Variants in LRRC9 observed in about 807,000 individuals in gnomAD.
LRRC9 encodes leucine rich repeat containing 9.
In LRRC9, 122 loss-of-function variants were observed where a neutral mutation model predicts 63.2. The observed-to-expected ratio is 1.93, with a 90% CI of 1.67 to 2.24. The LOEUF (loss-of-function observed/expected upper bound fraction) is 2.24, where lower values mean the gene tolerates loss of function less well. Ranked by LOEUF, LRRC9 falls within the 30% of genes most tolerant of loss-of-function variation. The probability of loss-of-function intolerance (pLI) is 0.00; values close to 1 mark genes in which losing one functional copy is unlikely to be tolerated. For synonymous variants in LRRC9, 366 were observed against 213.1 expected (o/e 1.72, Z -6.25); for missense variants, 1,071 against 627.7 (o/e 1.71, Z -7.55).
chr14:60,064,048 T>C (rs1344949836), downstream of LRRC9, among the ~76,000 whole-genome samples: 2 of 152,188 alleles, frequency 1.3e-5, no homozygotes, highest in Non-Finnish European at 2.9e-5. Context: ...AAGCGTCCGA[T>C]TTCAAATACA....
intron 8 of LRRC9, among the ~76,000 whole-genome samples, chr14:59,956,685 G>A (rs535049231): frequency 6.6e-6 from 1 of 152,284 alleles, no homozygotes; most frequent in Admixed American, 6.5e-5. Context: ...TCATCATGAT[G>A]CTAGCTGGTT....
At chr14:59,957,049 G>T (rs1883835173) in intron 8 of LRRC9, among the ~76,000 whole-genome samples, 1 of 152,060 alleles carries the variant, frequency 6.6e-6, no homozygotes, top group Non-Finnish European at 1.5e-5. Flanking sequence ...TTTCTCTCTG[G>T]CTGCCCTTAA....
intron 8 of LRRC9, among the ~76,000 whole-genome samples, chr14:59,949,300 G>A (rs1446909604): frequency 6.6e-6 from 1 of 152,180 alleles, no homozygotes; most frequent in African/African-American, 2.4e-5. Flanking sequence ...TTGCGTAGAG[G>A]TGTTTGTAGT....
chr14:59,980,877 G>C (rs903590430), intron 15 of LRRC9, among the ~76,000 whole-genome samples: 18 of 152,164 alleles, frequency 1.2e-4, no homozygotes, highest in African/African-American at 3.6e-4. Context: ...ATTCAATGAT[G>C]TCAGCAAAGA....
At chr14:59,981,809 C>T (rs1325945418) in intron 15 of LRRC9, 39 bp from the exon 16 acceptor site, 2 of 663,108 alleles carry the variant, frequency 3.0e-6, no homozygotes, top group African/African-American at 1.8e-5. Flanking sequence ...ATGATAAATA[C>T]AGCAACTGAT....
At chr14:60,052,782 T>A (rs1893988440) in intron 29 of LRRC9, among the ~76,000 whole-genome samples, 1 of 152,218 alleles carries the variant, frequency 6.6e-6, no homozygotes, top group South Asian at 2.1e-4. Context: ...TGAACTTCCA[T>A]AATATAATCC....
intron 19 of LRRC9, 75 bp from the exon 20 acceptor site, chr14:60,001,891 A>G (rs2140209173): frequency 2.3e-6 from 1 of 439,772 alleles, no homozygotes; most frequent in South Asian, 5.7e-5. Flanking sequence ...CCCTGGAAAC[A>G]ATAATTTTAA....
At chr14:60,026,566 C>T (rs1891570700) in intron 27 of LRRC9, among the ~76,000 whole-genome samples, 1 of 151,988 alleles carries the variant, frequency 6.6e-6, no homozygotes, top group Non-Finnish European at 1.5e-5. Flanking sequence ...TGTTCAGGAG[C>T]TTTTTAGCTT....
intron 28 of LRRC9, among the ~76,000 whole-genome samples, chr14:60,029,500 A>G (rs1414434376): frequency 3.3e-5 from 5 of 152,152 alleles, no homozygotes; most frequent in African/African-American, 1.2e-4. Context: ...TATTACAGGC[A>G]GTCCTTAATC....
intron 29 of LRRC9, among the ~76,000 whole-genome samples, chr14:60,039,710 A>C (rs1314301134): frequency 6.6e-6 from 1 of 151,832 alleles, no homozygotes; most frequent in Non-Finnish European, 1.5e-5. Context: ...TTTTGAAAAA[A>C]CAGCTCCTGG....
rs996522588 is a variant in LRRC9, at chr14:60,055,907, A to G, written c.4132-1971A>G. ...GTGACAAAGCAAGACCCTGTCTTGG[A>G]AAAAAAAAAAAAAAGTATTGGCAGG... On this transcript the variant is annotated intron_variant, in intron 30 of 31. Transcript: ENST00000445360. Among the ~76,000 whole-genome samples the G allele has an allele frequency of 1.3e-3, 9 of 7,002 alleles. No individual in the cohort carries two copies. In the South Asian group the frequency reaches 0.013, roughly 10 times the overall value. The allele number at this position is 7,002 out of a possible 152,430, so 4.6% of individuals were successfully genotyped here. A position where few individuals can be genotyped will look rare whatever the true frequency, so the allele number is the denominator to read the frequency against.
At chr14:60,029,123 G>T (rs1374466449) in intron 28 of LRRC9, among the ~76,000 whole-genome samples, 1 of 152,118 alleles carries the variant, frequency 6.6e-6, no homozygotes, top group East Asian at 1.9e-4. Context: ...TTATCCAGAA[G>T]AAATCTAAAT....
intron 8 of LRRC9, among the ~76,000 whole-genome samples, chr14:59,952,769 G>A (rs1171409874): frequency 2.6e-5 from 4 of 151,946 alleles, no homozygotes; most frequent in South Asian, 2.1e-4. Flanking sequence ...TTTAAGCCCC[G>A]CATGCATTAG....
At chr14:59,988,276 AGGT>A (rs1365203810) in intron 17 of LRRC9, among the ~76,000 whole-genome samples, 1 of 152,164 alleles carries the variant, frequency 6.6e-6, no homozygotes, top group African/African-American at 2.4e-5. Context: ...CATAATTTCT[AGGT>A]ATTAGAAATT....
At chr14:60,021,063 C>T (rs1013416172) in intron 26 of LRRC9, among the ~76,000 whole-genome samples, 4 of 151,774 alleles carry the variant, frequency 2.6e-5, no homozygotes, top group African/African-American at 4.8e-5. Flanking sequence ...TTTAAGAAAC[C>T]GCTAAACTGT....
rs1024368536 is a variant in LRRC9 at position 60,037,178 on chromosome 14, G to A, written c.3990+5115G>A. ...TCCAGTCTATCAATGATGGACATTC[G>A]GGTTGGTTCCAAGTCTTTGCTATTG... On this transcript the variant is annotated intron_variant, in intron 29 of 31. Transcript: ENST00000445360. Among the ~76,000 whole-genome samples the A allele has an allele frequency of 1.8e-4, 28 of 152,224 alleles. 1 individual carries two copies. In the South Asian group the frequency reaches 2.9e-3, roughly 16 times the overall value.
At chr14:59,926,645 T>C (rs891501667) in intron 1 of LRRC9, among the ~76,000 whole-genome samples, 2 of 152,152 alleles carry the variant, frequency 1.3e-5, no homozygotes, top group African/African-American at 4.8e-5. Flanking sequence ...GTAACCAATA[T>C]CCTAACTTCT....
Position 59,966,468 on chromosome 14 carries a change from A to G in LRRC9, c.1212-121A>G, listed in dbSNP as rs1392620121. On this transcript the variant is annotated intron_variant, in intron 10 of 31. Transcript: ENST00000445360. This position sits in a 1 kb window ranked among gnomAD's most constrained non-coding sequence, Gnocchi z 4.0. The stretch of plus-strand genomic sequence containing the variant: ...AACGGAGCCACTATATGATTACTGT[A>G]TCTTTAGCAAAAGACACAAAATATG... 4.3e-6 allele frequency: 2 copies of G among 463,160 alleles called. No homozygotes were observed. The highest frequency in any genetic ancestry group is 5.6e-4 in the Middle Eastern group (1 of 1,780). The allele number at this position is 463,160 out of a possible 1,614,324, so 28.7% of individuals were successfully genotyped here.
intron 1 of LRRC9, among the ~76,000 whole-genome samples, chr14:59,921,533 G>C (rs1370693374): frequency 1.3e-5 from 2 of 152,096 alleles, no homozygotes; most frequent in Non-Finnish European, 2.9e-5. Flanking sequence ...TAGGGGGATA[G>C]AGTCAAAGAT....
Sources: allele counts gnomAD v4.1 joint callset (sites outside exome capture counted in the v4.1 genomes callset), GRCh38; gene constraint gnomAD v4.1.1; non-coding constraint Gnocchi (gnomAD v3.1); transcripts MANE v1.5; gene names NCBI Gene and HGNC (gene_info 2026-07-23, HGNC 2026-07-21).